Variants in FAM221A observed in about 807,000 individuals in gnomAD.
FAM221A encodes the protein family with sequence similarity 221 member A.
FAM221A carries 43 observed loss-of-function variants against 37.6 expected under a neutral mutation model. That is an observed-to-expected ratio of 1.15 (90% confidence interval 0.90 to 1.48). The LOEUF (loss-of-function observed/expected upper bound fraction) is 1.48. FAM221A is among the 40% of genes most tolerant of loss of function. FAM221A has a pLI of 0.00. For missense variants in FAM221A, 361 were observed against 361.5 expected (o/e 1.00, Z 0.01); for synonymous variants, 135 against 132.9 (o/e 1.02, Z -0.11).
chr7:23,692,281 CA>C, intron 4 of FAM221A: 1 of 697,598 alleles, frequency 1.4e-6, no homozygotes, highest in Non-Finnish European at 1.8e-6. Flanking sequence ...TTCTTTTTTA[CA>C]ACAAGCATGT....
At chr7:23,700,601 C>T (rs1785360191) in intron 5 of FAM221A, among the ~76,000 whole-genome samples, 185 bp from the exon 6 acceptor site, 1 of 152,182 alleles carries the variant, frequency 6.6e-6, no homozygotes, top group African/African-American at 2.4e-5. Flanking sequence ...GTGAAAAACA[C>T]TTTTGTCCTG....
At chr7:23,694,727 T>A (rs890117148) in intron 4 of FAM221A, 1 of 152,234 alleles carries the variant, frequency 6.6e-6, no homozygotes, top group Non-Finnish European at 1.5e-5. Context: ...AACCTGAAGA[T>A]TTCTGTGGGC....
At chr7:23,699,535 C>CT (rs57930152) in intron 5 of FAM221A, among the ~76,000 whole-genome samples, 2,401 of 64,200 alleles carry the variant, frequency 0.037, 148 homozygotes, top group African/African-American at 0.1. Flanking sequence ...TCACCTTTTC[C>CT]TTTTTTTTTT....
At chr7:23,695,449 T>C (rs1368706571) in intron 4 of FAM221A, among the ~76,000 whole-genome samples, 3 of 152,172 alleles carry the variant, frequency 2.0e-5, no homozygotes, top group Non-Finnish European at 4.4e-5. Flanking sequence ...CTTGGCTCAC[T>C]GCAATCTCTG....
intron 1 of FAM221A, among the ~76,000 whole-genome samples, chr7:23,682,713 C>T (rs1044153618): frequency 7.2e-5 from 11 of 152,290 alleles, no homozygotes; most frequent in Admixed American, 1.3e-4. Context: ...GCATGAGCCA[C>T]TGTGCTGTGA....
At chr7:23,689,831 A>G (rs981339864) in intron 3 of FAM221A, among the ~76,000 whole-genome samples, 3 of 152,182 alleles carry the variant, frequency 2.0e-5, no homozygotes, top group African/African-American at 7.2e-5. Flanking sequence ...AAAGCATTTT[A>G]TAAGTCAAAA....
At chr7:23,689,973 A>G (rs1584265253) in intron 3 of FAM221A, among the ~76,000 whole-genome samples, 1 of 151,852 alleles carries the variant, frequency 6.6e-6, no homozygotes, top group African/African-American at 2.4e-5. Flanking sequence ...TGGATCATCC[A>G]TTCAACTAGG....
chr7:23,702,208 A>C lies in FAM221A; in HGVS notation c.*44A>C. 1 of 1,281,010 alleles carries C rather than the reference A, an allele frequency of 7.8e-7. No individual in the cohort carries two copies. Among genetic ancestry groups the C allele is most frequent in the Non-Finnish European group, 1.1e-6 (1 of 923,382 alleles). 79.4% of individuals were successfully genotyped at this position (1,281,010 alleles called of 1,614,324 possible). A position where few individuals can be genotyped will look rare whatever the true frequency, so the allele number is the denominator to read the frequency against. On this transcript the variant is annotated 3_prime_UTR_variant, in exon 7 of 7. Transcript: ENST00000344962. ...AAACCATCATCCAAGTATCTTTTTC[A>C]TGTTTATTTAAATGTAATAATACAG...
intron 1 of FAM221A, among the ~76,000 whole-genome samples, 166 bp downstream of exon 1, chr7:23,680,449 T>A (rs1016301682): frequency 6.6e-6 from 1 of 152,130 alleles, no homozygotes; most frequent in African/African-American, 2.4e-5. Context: ...TTTGCCTAAT[T>A]AAATATTGTA....
chr7:23,693,287 C>T (rs1784855099), intron 4 of FAM221A: 1 of 152,136 alleles, frequency 6.6e-6, no homozygotes, highest in Non-Finnish European at 1.5e-5. Context: ...CTTTAGCTTG[C>T]CTGTTTCCTC....
chr7:23,701,998 G>C (rs778206891), intron 6 of FAM221A, 98 bp from the exon 7 acceptor site: 1 of 648,964 alleles, frequency 1.5e-6, no homozygotes, highest in Admixed American at 3.5e-5. Flanking sequence ...AATAACTGTG[G>C]AATGGCTGTG....
At chr7:23,690,199 A>ATATATATATATATTTTT (rs774313037) in intron 3 of FAM221A, among the ~76,000 whole-genome samples, 6 of 48,736 alleles carry the variant, frequency 1.2e-4, no homozygotes, top group Admixed American at 3.0e-4. Flanking sequence ...ATATATATAT[A>ATATATATATATATTTTT]TTTTTTTTTT....
intron 5 of FAM221A, 34 bp downstream of exon 5, chr7:23,698,333 G>T: frequency 8.7e-7 from 1 of 1,155,968 alleles, no homozygotes; most frequent in Admixed American, 2.3e-5. Flanking sequence ...GTTTTTGGAT[G>T]TAGTAAATTG....
At chr7:23,684,477 G>T (rs759957810) in intron 1 of FAM221A, 22 bp from the exon 2 acceptor site, 38 of 1,540,110 alleles carry the variant, frequency 2.5e-5, no homozygotes, top group Non-Finnish European at 3.4e-5. Flanking sequence ...AAGCTTAAGA[G>T]AAATATATAT....
rs1428019697 is a variant in FAM221A, at chr7:23,689,416, T to C, written c.387T>C (p.Phe129=). The C allele has an allele frequency of 1.2e-6, 2 of 1,605,232 alleles. No individual in the cohort carries two copies. The highest frequency in any genetic ancestry group is 1.3e-5 in the African/African-American group (1 of 74,954). The change falls in exon 3 of 7, where the codon TTT becomes TTC. Residue 129 remains phenylalanine (F), a synonymous_variant. Coordinates refer to ENST00000344962, the MANE Select transcript of FAM221A (RefSeq NM_199136.5). The part of the protein sequence containing the change: ...SQPIRCRCKH[F]ADQHSAAPGF... ...CCATTCGCTGCAGGTGCAAACACTT[T>C]GCTGATCAGCACAGTGCTGCGCCTG... is the stretch of plus-strand genomic sequence containing the variant.
At chr7:23,692,646 C>T (rs1429616016) in intron 4 of FAM221A, 24 of 984,186 alleles carry the variant, frequency 2.4e-5, no homozygotes, top group South Asian at 9.4e-5. Flanking sequence ...CAGGCCCATA[C>T]GAGTATATAT....
intron 1 of FAM221A, among the ~76,000 whole-genome samples, chr7:23,683,007 A>T (rs1784149849): frequency 6.6e-6 from 1 of 152,182 alleles, no homozygotes. Context: ...TTCATAGCTT[A>T]TAAATTGGTT....
At chr7:23,703,164 ATCTT>A (rs1314470292), downstream of FAM221A, 2 of 152,172 alleles carry the variant, frequency 1.3e-5, no homozygotes, top group Non-Finnish European at 2.9e-5. Flanking sequence ...ATATATCCTT[ATCTT>A]TCTTTTTTCC....
In FAM221A at chr7:23,691,575, C is replaced by G. The variant is rs776937493; in HGVS notation, c.616C>G (p.Arg206Gly). ...CAGCTCGCTGGCGGAAGGCTACATG[C>G]GGTTAGATGACAGTGGGATTGGTAA... is the stretch of plus-strand genomic sequence containing the variant. The part of the protein sequence containing the change: ...GFSSLAEGYM[R>G]LDDSGIGVPS... The change falls in exon 4 of 7, where the codon CGG (arginine) becomes GGG (glycine). Residue 206 changes from arginine to glycine, a missense_variant. Coordinates refer to ENST00000344962, the MANE Select transcript of FAM221A (RefSeq NM_199136.5). 3.7e-6 allele frequency: 6 copies of G among 1,613,932 alleles called. No individual in the cohort carries two copies. The Middle Eastern group carries it at 4.9e-4, about 133-fold the overall frequency.
Sources: gnomAD v4.1 joint callset for allele counts (sites outside exome capture counted in the v4.1 genomes callset) on GRCh38, gnomAD v4.1.1 for gene constraint, MANE v1.5 for transcripts, NCBI Gene and HGNC (gene_info 2026-07-23, HGNC 2026-07-21) for gene names.